ROBO3: variants seen among roughly 807,000 people sequenced by gnomAD.
The protein encoded by ROBO3 is roundabout guidance receptor 3.
A neutral mutation model predicts 160.5 loss-of-function variants in ROBO3; 97 were observed. The observed-to-expected ratio is 0.60, with a 90% CI of 0.51 to 0.72. The LOEUF is 0.72. Ranked by LOEUF, ROBO3 falls within the 30% of genes least tolerant of loss-of-function variation. The probability of loss-of-function intolerance (pLI) is 0.00; values close to 1 mark genes in which losing one functional copy is unlikely to be tolerated. For missense variants in ROBO3, 1,858 were observed against 1,846.5 expected (o/e 1.01, Z -0.11); for synonymous variants, 780 against 746.2 (o/e 1.05, Z -0.74).
chr11:124,877,187 A>G lies in ROBO3; in HGVS notation c.2803+3A>G, dbSNP rs1168715597. The G allele has an allele frequency of 6.2e-7, 1 of 1,613,928 alleles. No individual in the cohort carries two copies. Among genetic ancestry groups the G allele is most frequent in the Non-Finnish European group, 8.5e-7 (1 of 1,179,860 alleles). The stretch of plus-strand genomic sequence containing the variant: ...CTCTTTTGCCTACACACCGGCAGGT[A>G]AGCCATCTCTGCCCCAGTGGGGTTC... On this transcript the variant is annotated splice_donor_region_variant and intron_variant, in intron 18 of 27. Transcript: ENST00000397801.
rs757635838 is a variant in ROBO3 at position 124,870,216 on chromosome 11, C to G, written c.818C>G (p.Ala273Gly). The G allele has an allele frequency of 3.1e-6, 5 of 1,614,076 alleles. No homozygotes were observed. The highest frequency in any genetic ancestry group is 4.2e-6 in the Non-Finnish European group (5 of 1,179,902). The change falls in exon 5 of 28, where the codon GCC becomes GGC. Residue 273 changes from alanine to glycine, a missense_variant. Ala to Gly is a moderately conservative substitution (Grantham distance 60, BLOSUM62 0). Coordinates refer to ENST00000397801, the MANE Select transcript of ROBO3 (RefSeq NM_022370.4). Reference sequence around the variant, plus strand: ...GTGAATCAGGTGGTCCTGGCTGATGCCCCTGTGACTTTCCTATGTGAGGTG... The same window carrying G: ...GTGAATCAGGTGGTCCTGGCTGATGGCCCTGTGACTTTCCTATGTGAGGTG... The part of the protein sequence containing the change: ...RPVNQVVLAD[A>G]PVTFLCEVKG...
chr11:124,873,723 C>T lies in ROBO3; in HGVS notation c.1645C>T (p.Pro549Ser), dbSNP rs777415611. The T allele has an allele frequency of 1.2e-6, 2 of 1,613,652 alleles. No individual in the cohort carries two copies. The highest frequency in any genetic ancestry group is 2.2e-5 in the South Asian group (2 of 91,068). Reference protein sequence around the residue: ...REDWGVSPDPPTEPSSPPGAP... With the variant: ...REDWGVSPDPSTEPSSPPGAP... ...AGACTGGGGAGTATCACCAGACCCC[C>T]CTACAGAACCCAGTTCCCCTCCGGG... The change falls in exon 11 of 28, where the codon CCT (proline) becomes TCT (serine). Residue 549 changes from proline to serine, a missense_variant. Coordinates refer to ENST00000397801, the MANE Select transcript of ROBO3 (RefSeq NM_022370.4). The surrounding 1 kb of genome is among the most constrained non-coding windows in gnomAD (Gnocchi z 4.5).
In ROBO3 at chr11:124,880,628, G is replaced by A. The variant is rs1348395058; in HGVS notation, c.4149+20G>A. ...CGAGAGGTAGGGGCCATAGATTGCAGAAAAATGAGGGCAGAGGACTAGGGA... is the reference window on the plus strand; with the variant it reads ...CGAGAGGTAGGGGCCATAGATTGCAAAAAAATGAGGGCAGAGGACTAGGGA... On this transcript the variant is annotated intron_variant, in intron 27 of 27. Coordinates refer to ENST00000397801, the MANE Select transcript of ROBO3 (RefSeq NM_022370.4). The A allele has an allele frequency of 1.3e-6, 2 of 1,514,252 alleles. No individual in the cohort carries two copies. Among genetic ancestry groups the A allele is most frequent in the African/African-American group, 1.4e-5 (1 of 71,960 alleles). 93.8% of individuals were successfully genotyped at this position (1,514,252 alleles called of 1,614,324 possible).
Position 124,880,448 on chromosome 11 carries a change from G to C in ROBO3, c.3989G>C (p.Ser1330Thr). The change falls in exon 27 of 28, where the codon AGC becomes ACC. Residue 1330 changes from serine to threonine, a missense_variant. Physicochemically the swap from Ser to Thr is moderately conservative, Grantham distance 58. Coordinates refer to ENST00000397801, the MANE Select transcript of ROBO3 (RefSeq NM_022370.4). Reference sequence around the variant, plus strand: ...GCCTGGCTCCCATACAGCAGACCAAGCTTCCTGTCCCGGGGCCAGGGCACC... The same window carrying C: ...GCCTGGCTCCCATACAGCAGACCAACCTTCCTGTCCCGGGGCCAGGGCACC... ...EEAWLPYSRPSFLSRGQGTST... is the reference protein window; with the variant it reads ...EEAWLPYSRPTFLSRGQGTST... 6.2e-7 allele frequency: 1 copy of C among 1,612,890 alleles called. No individual in the cohort carries two copies. Among genetic ancestry groups the C allele is most frequent in the Non-Finnish European group, 8.5e-7 (1 of 1,179,494 alleles).
chr11:124,879,215 C>G lies in ROBO3; in HGVS notation c.3559C>G (p.Pro1187Ala). 2 of 1,553,154 alleles carry G rather than the reference C, an allele frequency of 1.3e-6. No homozygotes were observed. Among genetic ancestry groups the G allele is most frequent in the South Asian group, 1.2e-5 (1 of 84,180 alleles). ...PRRVPLGPSS[P>A]LSVSQPMLGI... ...GAGGGTGCCCCTTGGGCCGAGTTCC[C>G]CTCTCAGTGTATCCCAGCCCATGCT... is the stretch of plus-strand genomic sequence containing the variant. The change falls in exon 24 of 28, where the codon CCT becomes GCT. Residue 1187 changes from proline (P) to alanine (A), a missense_variant. Pro to Ala is a conservative substitution (Grantham distance 27). Transcript: ENST00000397801.
Position 124,873,009 on chromosome 11 carries a change from A to G in ROBO3, c.1456A>G (p.Lys486Glu). The G allele has an allele frequency of 6.2e-7, 1 of 1,613,900 alleles. No homozygotes were observed. Among genetic ancestry groups the G allele is most frequent in the Non-Finnish European group, 8.5e-7 (1 of 1,179,852 alleles). Residue 486 changes from lysine to glutamate, a missense_variant, in exon 9 of 28, where the codon AAG (lysine) becomes GAG (glutamate). Transcript: ENST00000397801. This position sits in a 1 kb window ranked among gnomAD's most constrained non-coding sequence, Gnocchi z 4.5. ...CCCTCAACCCAGTGTCCGATGGAAG[A>G]AGGATGGGCAGTGGCTGCAGGGGGA... ...GNPQPSVRWK[K>E]DGQWLQGDDL...
At position 124,876,389 on chromosome 11, in the gene ROBO3, C is replaced by G; in HGVS notation, c.2708C>G (p.Ala903Gly). Residue 903 changes from alanine to glycine, a missense_variant, in exon 17 of 28, where the codon GCG becomes GGG. Coordinates refer to ENST00000397801, the MANE Select transcript of ROBO3 (RefSeq NM_022370.4). This position sits in a 1 kb window ranked among gnomAD's most constrained non-coding sequence, Gnocchi z 5.3. ...GCGGGCAGCGGCGCAGCCTGCGGGG[C>G]GCTGCTTCTCGGGCTCTGCGCCGCC... ...FLAGSGAACGALLLGLCAALY... is the reference protein window; with the variant it reads ...FLAGSGAACGGLLLGLCAALY... 6.9e-7 allele frequency: 1 copy of G among 1,449,318 alleles called. No individual in the cohort carries two copies. Among genetic ancestry groups the G allele is most frequent in the African/African-American group, 1.5e-5 (1 of 67,432 alleles). The allele number at this position is 1,449,318 out of a possible 1,614,324, so 89.8% of individuals were successfully genotyped here.
Position 124,872,855 on chromosome 11 carries a change from C to T in ROBO3, c.1331-29C>T, listed in dbSNP as rs201642952. 2 of 1,541,454 alleles carry T rather than the reference C, an allele frequency of 1.3e-6. No homozygotes were observed. Among genetic ancestry groups the T allele is most frequent in the African/African-American group, 1.4e-5 (1 of 73,574 alleles). On this transcript the variant is annotated intron_variant, in intron 8 of 27. Coordinates refer to ENST00000397801, the MANE Select transcript of ROBO3 (RefSeq NM_022370.4). The surrounding 1 kb of genome is among the most constrained non-coding windows in gnomAD (Gnocchi z 4.3). ...GCCCGCGGGGCCCTAAGCTCCTCCC[C>T]TGAGGTGCACACGTTCTTCCTCTCT...
chr11:124,874,268 G>A (rs992468023), intron 12 of ROBO3, 32 bp downstream of exon 12: 1 of 1,587,488 alleles, frequency 6.3e-7, no homozygotes, highest in Non-Finnish European at 8.6e-7. Context: ...TCATGAGCAT[G>A]AAATGTAACA....
Position 124,873,639 on chromosome 11 carries a change from G to T in ROBO3, c.1619-58G>T. ...CATAGCTCCCCTGGTAAGGAGACAGGTTACACTAGGATTATCCTTTCCCTA... is the reference window on the plus strand; with the variant it reads ...CATAGCTCCCCTGGTAAGGAGACAGTTTACACTAGGATTATCCTTTCCCTA... On this transcript the variant is annotated intron_variant, in intron 10 of 27. Transcript: ENST00000397801. The surrounding 1 kb of genome is among the most constrained non-coding windows in gnomAD (Gnocchi z 4.5). The T allele has an allele frequency of 6.7e-7, 1 of 1,497,930 alleles. No individual in the cohort carries two copies. Among genetic ancestry groups the T allele is most frequent in the Non-Finnish European group, 9.1e-7 (1 of 1,104,632 alleles). 92.8% of individuals were successfully genotyped at this position (1,497,930 alleles called of 1,614,324 possible). A position where few individuals can be genotyped will look rare whatever the true frequency, so the allele number is the denominator to read the frequency against.
In ROBO3 at chr11:124,881,295, G is replaced by A. The variant is rs776524872; in HGVS notation, c.*45G>A. On this transcript the variant is annotated 3_prime_UTR_variant, in exon 28 of 28. Transcript: ENST00000397801. ...AATATCATGAGTGCCACGGGGAAGG[G>A]GAGTAGGGATGTCTTTTCCCCCCCA... The A allele has an allele frequency of 1.8e-5, 29 of 1,576,728 alleles. No homozygotes were observed. Among genetic ancestry groups the A allele is most frequent in the Non-Finnish European group, 2.2e-5 (25 of 1,157,508 alleles).
intron 15 of ROBO3, 32 bp downstream of exon 15, chr11:124,875,717 G>T: frequency 6.3e-7 from 1 of 1,578,644 alleles, no homozygotes; most frequent in Non-Finnish European, 8.6e-7. Flanking sequence ...TGGATGGGAG[G>T]GCCAGGCCGG....
rs532924868 is a variant in ROBO3, at chr11:124,865,750, C to A, written c.160+13C>A. On this transcript the variant is annotated intron_variant, in intron 1 of 27. Coordinates refer to ENST00000397801, the MANE Select transcript of ROBO3 (RefSeq NM_022370.4). This position sits in a 1 kb window ranked among gnomAD's most constrained non-coding sequence, Gnocchi z 5.5. ...CCCTCTCTCAACGGTGAGACCCTGC[C>A]TCTTGGGGATATGGGATCCTGGGAT... The A allele has an allele frequency of 6.3e-7, 1 of 1,598,590 alleles. No individual in the cohort carries two copies. The highest frequency in any genetic ancestry group is 2.2e-5 in the East Asian group (1 of 44,526).
chr11:124,868,582 G>T, intron 1 of ROBO3: 1 of 659,622 alleles, frequency 1.5e-6, no homozygotes, highest in Non-Finnish European at 2.8e-6. Context: ...TCTACTAACC[G>T]GCCTGTCTGT....
At chr11:124,880,046 G>C (rs1432567561) in intron 26 of ROBO3, 98 bp downstream of exon 26, 2 of 1,218,502 alleles carry the variant, frequency 1.6e-6, no homozygotes, top group Non-Finnish European at 2.2e-6. Flanking sequence ...CCTCCCTTTA[G>C]TTAGGTTCAT....
chr11:124,868,649 A>T (rs1400581285), intron 1 of ROBO3, 153 bp from the exon 2 acceptor site: 19 of 800,444 alleles, frequency 2.4e-5, no homozygotes, highest in Admixed American at 1.4e-4. Flanking sequence ...GACATATTGG[A>T]TCCTGCAGAG....
chr11:124,873,722 C>T lies in ROBO3; in HGVS notation c.1644C>T (p.Pro548=), dbSNP rs755650502. 1.2e-6 allele frequency: 2 copies of T among 1,613,612 alleles called. No homozygotes were observed. The highest frequency in any genetic ancestry group is 1.7e-5 in the Admixed American group (1 of 60,010). The part of the protein sequence containing the change: ...MREDWGVSPD[P]PTEPSSPPGA... ...AAGACTGGGGAGTATCACCAGACCC[C>T]CCTACAGAACCCAGTTCCCCTCCGG... Residue 548 remains proline (P), a synonymous_variant, in exon 11 of 28, where the codon CCC becomes CCT. Coordinates refer to ENST00000397801, the MANE Select transcript of ROBO3 (RefSeq NM_022370.4). This position sits in a 1 kb window ranked among gnomAD's most constrained non-coding sequence, Gnocchi z 4.5.
In ROBO3 at chr11:124,870,500, C is replaced by T. The variant is rs1387601107; in HGVS notation, c.906-101C>T. The T allele has an allele frequency of 7.7e-6, 12 of 1,564,662 alleles. No individual in the cohort carries two copies. In the South Asian group the frequency reaches 8.2e-5, roughly 11 times the overall value. ...TAACCAGCTTCTGTCCCTGCTGGGTCCTGCCTGTCTTTAAGTACCTTGACC... is the reference window on the plus strand; with the variant it reads ...TAACCAGCTTCTGTCCCTGCTGGGTTCTGCCTGTCTTTAAGTACCTTGACC... On this transcript the variant is annotated intron_variant, in intron 5 of 27. Transcript: ENST00000397801.
At chr11:124,870,530 T>C in intron 5 of ROBO3, 71 bp from the exon 6 acceptor site, 1 of 1,604,422 alleles carries the variant, frequency 6.2e-7, no homozygotes, top group Non-Finnish European at 8.5e-7. Flanking sequence ...TTGACCCTGG[T>C]GTCTGTCCTG....
Sources: allele counts gnomAD v4.1 joint callset, GRCh38; gene constraint gnomAD v4.1.1; non-coding constraint Gnocchi (gnomAD v3.1); transcripts MANE v1.5; gene names NCBI Gene and HGNC (gene_info 2026-07-23, HGNC 2026-07-21).